FRY: variants seen among roughly 807,000 people sequenced by gnomAD.
FRY encodes protein furry homolog.
Under a neutral mutation model 348.4 loss-of-function variants are expected in FRY, and 128 were observed. That is an observed-to-expected ratio of 0.37 (90% CI 0.32 to 0.43). FRY has a LOEUF of 0.43. Ranked by LOEUF, FRY falls within the 20% of genes least tolerant of loss-of-function variation. The pLI, the probability that FRY is intolerant of heterozygous loss-of-function variation, is 1.00. For synonymous variants in FRY, 1,370 were observed against 1,374.7 expected, an observed-to-expected ratio of 1.00 and a Z score of 0.08; for missense variants, 2,736 against 3,695.2, an observed-to-expected ratio of 0.74 and a Z score of 6.73.
At chr13:32,055,418 T>G (rs402881) in intron 1 of FRY, among the ~76,000 whole-genome samples, 1 of 152,036 alleles carries the variant, frequency 6.6e-6, no homozygotes, top group East Asian at 1.9e-4. Flanking sequence ...CTCTGTTCTC[T>G]TTTATTATTA....
intron 1 of FRY, among the ~76,000 whole-genome samples, chr13:32,065,497 G>A (rs1593575051): frequency 2.0e-5 from 3 of 152,104 alleles, no homozygotes; most frequent in Middle Eastern, 3.4e-3. Context: ...GTAGAGATGC[G>A]GTTTCACCGT....
At chr13:32,107,240 C>T (rs1157294764) in intron 3 of FRY, among the ~76,000 whole-genome samples, 1 of 152,134 alleles carries the variant, frequency 6.6e-6, no homozygotes, top group Non-Finnish European at 1.5e-5. Context: ...GCCTGTAATC[C>T]CAGCTACTTG....
chr13:32,167,823 G>C (rs115266386), intron 17 of FRY, among the ~76,000 whole-genome samples: 151 of 152,216 alleles, frequency 9.9e-4, no homozygotes, highest in Non-Finnish European at 1.9e-3. Flanking sequence ...ACATAAGATG[G>C]GGAAATGACT....
chr13:32,047,035 A>G (rs1873052504), intron 1 of FRY, among the ~76,000 whole-genome samples: 2 of 152,224 alleles, frequency 1.3e-5, no homozygotes, highest in African/African-American at 2.4e-5. Context: ...TATGAGCTGT[A>G]TATGGGTATA....
At chr13:32,037,591 T>C (rs1008719225) in intron 1 of FRY, among the ~76,000 whole-genome samples, 3 of 152,080 alleles carry the variant, frequency 2.0e-5, no homozygotes, top group African/African-American at 7.2e-5. Flanking sequence ...CAACAAGAAT[T>C]GAAAGAGAAA....
chr13:32,227,730 A>C (rs77897457), intron 39 of FRY, among the ~76,000 whole-genome samples: 290 of 151,968 alleles, frequency 1.9e-3, no homozygotes, highest in African/African-American at 6.8e-3. Flanking sequence ...GGTATCCTCA[A>C]ACAGGGTATC....
intron 1 of FRY, among the ~76,000 whole-genome samples, chr13:32,061,561 T>C (rs1873944745): frequency 6.6e-6 from 1 of 152,236 alleles, no homozygotes; most frequent in Non-Finnish European, 1.5e-5. Flanking sequence ...GTAGGATTTA[T>C]GCATGATTTC....
At chr13:32,055,398 T>G (rs1410345681) in intron 1 of FRY, among the ~76,000 whole-genome samples, 1 of 152,160 alleles carries the variant, frequency 6.6e-6, no homozygotes, top group Non-Finnish European at 1.5e-5. Flanking sequence ...GGAGGATGGT[T>G]TACTAAATAC....
intron 3 of FRY, among the ~76,000 whole-genome samples, chr13:32,113,915 G>A (rs1044212103): frequency 2.6e-5 from 4 of 152,230 alleles, no homozygotes; most frequent in East Asian, 1.9e-4. Context: ...GATGGTTTCA[G>A]TGTTTTGCCA....
intron 29 of FRY, among the ~76,000 whole-genome samples, chr13:32,196,413 T>A (rs1300172998): frequency 6.6e-6 from 1 of 152,212 alleles, no homozygotes; most frequent in South Asian, 2.1e-4. Context: ...TTTTTAAATG[T>A]TCTTGTTGAT....
intron 55 of FRY, among the ~76,000 whole-genome samples, chr13:32,271,028 AC>A (rs1413392935): frequency 6.6e-6 from 1 of 152,144 alleles, no homozygotes; most frequent in Non-Finnish European, 1.5e-5. Context: ...ATTCAGCCTG[AC>A]TTCCTCTCCC....
At chr13:32,070,751 A>G (rs1225126901) in intron 1 of FRY, among the ~76,000 whole-genome samples, 1 of 152,072 alleles carries the variant, frequency 6.6e-6, no homozygotes, top group Non-Finnish European at 1.5e-5. Context: ...TTTTGTTGCC[A>G]TTACTTTTGG....
At chr13:32,144,420 A>G (rs1454793505) in intron 11 of FRY, among the ~76,000 whole-genome samples, 1 of 151,094 alleles carries the variant, frequency 6.6e-6, no homozygotes, top group Non-Finnish European at 1.5e-5. Context: ...AAACCTGAAT[A>G]ATTAAAATGA....
Position 32,247,439 on chromosome 13 carries a change from G to A in FRY, c.6945G>A (p.Val2315=), listed in dbSNP as rs1212366976. The change falls in exon 48 of 61, where the codon GTG becomes GTA. Residue 2315 remains valine, a synonymous_variant. Transcript: ENST00000542859. ...TCTCAAAAATAGAAATACATCGAGT[G>A]TGGACTAGTGCTTCCAAGGAATTAC... is the stretch of plus-strand genomic sequence containing the variant. ...SDLSKIEIHR[V]WTSASKELPG... 1.9e-6 allele frequency: 3 copies of A among 1,613,462 alleles called. No homozygotes were observed.
At position 32,261,627 on chromosome 13, in the gene FRY, G is replaced by C; in HGVS notation, c.7428G>C (p.Met2476Ile). 6.2e-7 allele frequency: 1 copy of C among 1,614,090 alleles called. No individual in the cohort carries two copies. The highest frequency in any genetic ancestry group is 2.2e-5 in the East Asian group (1 of 44,888). ...VELEDGEGESMDNFNWGVRRR... is the reference protein window; with the variant it reads ...VELEDGEGESIDNFNWGVRRR... The stretch of plus-strand genomic sequence containing the variant: ...TGGTGTGATTTCAGGGTGAGAGTAT[G>C]GACAATTTCAACTGGGGAGTGCGCA... Residue 2476 changes from methionine to isoleucine, a missense_variant, in exon 52 of 61, where the codon ATG becomes ATC. Transcript: ENST00000542859.
At chr13:32,150,157 C>T (rs1880709877) in intron 14 of FRY, among the ~76,000 whole-genome samples, 1 of 152,156 alleles carries the variant, frequency 6.6e-6, no homozygotes, top group Admixed American at 6.5e-5. Context: ...TTACTTGTAA[C>T]TGTTCAACAA....
chr13:32,111,439 T>C (rs1207131100), intron 3 of FRY, among the ~76,000 whole-genome samples: 1 of 151,888 alleles, frequency 6.6e-6, no homozygotes, highest in Non-Finnish European at 1.5e-5. Flanking sequence ...GAGGTTGCGG[T>C]GAGCCGAGAT....
rs981402301 is a variant in FRY, at chr13:32,296,841, CTG to C, written c.*1384_*1385del. 1 of 152,198 alleles carries C rather than the reference CTG, an allele frequency of 6.6e-6. No individual in the cohort carries two copies. The highest frequency in any genetic ancestry group is 2.4e-5 in the African/African-American group (1 of 41,430). The allele number at this position is 152,198 out of a possible 1,614,324, so 9.4% of individuals were successfully genotyped here. ...ATCTCTTTGGAAGTTGGCATCAAAA[CTG>C]TGAGCTTCAACCAATTCTCTGTAAT... is the stretch of plus-strand genomic sequence containing the variant. On this transcript the variant is annotated 3_prime_UTR_variant, in exon 61 of 61. Coordinates refer to ENST00000542859, the MANE Select transcript of FRY (RefSeq NM_023037.3).
intron 1 of FRY, among the ~76,000 whole-genome samples, chr13:32,068,422 T>G (rs527364429): frequency 6.6e-6 from 1 of 152,318 alleles, no homozygotes; most frequent in African/African-American, 2.4e-5. Context: ...GACCTTGAAA[T>G]GTCAATGTAA....
Sources: gnomAD v4.1 joint callset for allele counts (sites outside exome capture counted in the v4.1 genomes callset) on GRCh38, gnomAD v4.1.1 for gene constraint, MANE v1.5 for transcripts, NCBI Gene and HGNC (gene_info 2026-07-23, HGNC 2026-07-21) for gene names.